The following SLC35D4 variants were observed in gnomAD, a reference collection of about 807,000 sequenced individuals.
SLC35D4 encodes the protein UDP-N-acetylglucosamine transporter SLC35D4.
the SLC35D4 span, among the ~76,000 whole-genome samples, chr18:23,286,861 G>A: frequency 2.4e-3 from 360 of 151,538 alleles, 2 homozygotes; most frequent in Admixed American, 4.1e-3. Flanking sequence ...ACTATTCCTG[G>A]ATTACAGCTG....
At chr18:23,408,413 T>C in the SLC35D4 span, among the ~76,000 whole-genome samples, 3 of 152,208 alleles carry the variant, frequency 2.0e-5, no homozygotes, top group East Asian at 3.8e-4. Flanking sequence ...TGGTATCTTA[T>C]AACATTTTTT....
the SLC35D4 span, among the ~76,000 whole-genome samples, chr18:23,251,746 C>T: frequency 6.6e-6 from 1 of 152,094 alleles, no homozygotes; most frequent in African/African-American, 2.4e-5. Flanking sequence ...GTTGTTCAAC[C>T]TTAAAGGAAA....
chr18:23,273,516 A>T, the SLC35D4 span, among the ~76,000 whole-genome samples: 147 of 152,360 alleles, frequency 9.6e-4, no homozygotes, highest in African/African-American at 3.5e-3. Context: ...AAAGTGAACC[A>T]GCATGGGAAA....
At chr18:23,393,489 T>C in the SLC35D4 span, among the ~76,000 whole-genome samples, 1 of 152,222 alleles carries the variant, frequency 6.6e-6, no homozygotes, top group Admixed American at 6.5e-5. Flanking sequence ...GTACCAGATA[T>C]AAGTGGAGTC....
chr18:23,418,058 A>T, the SLC35D4 span, among the ~76,000 whole-genome samples: 2 of 152,186 alleles, frequency 1.3e-5, no homozygotes, highest in Non-Finnish European at 2.9e-5. Flanking sequence ...ATCCACCATA[A>T]CAATGGAGTA....
chr18:23,384,077 C>T, the SLC35D4 span, among the ~76,000 whole-genome samples: 2 of 150,276 alleles, frequency 1.3e-5, no homozygotes, highest in African/African-American at 2.4e-5. Context: ...TCCTTTAAGC[C>T]TAGGAGCTCG....
the SLC35D4 span, among the ~76,000 whole-genome samples, chr18:23,411,531 A>AAGAAAGAAAGAC: frequency 3.3e-5 from 5 of 151,500 alleles, no homozygotes; most frequent in East Asian, 9.7e-4. Context: ...GAAAGAAAGA[A>AAGAAAGAAAGAC]AGAAAGAAAG....
At chr18:23,364,917 AAAAAAAAAAAAAAAAAG>A in the SLC35D4 span, among the ~76,000 whole-genome samples, 4 of 3,708 alleles carry the variant, frequency 1.1e-3, 1 homozygote, top group South Asian at 0.049. Flanking sequence ...AAAAAAAAAA[AAAAAAAAAAAAAAAAAG>A]GACTCCTTTC....
chr18:23,309,675 C>T, the SLC35D4 span: 2 of 1,613,886 alleles, frequency 1.2e-6, no homozygotes, highest in Non-Finnish European at 1.7e-6. Flanking sequence ...ATGCAAAAGA[C>T]TTACCATCCC....
chr18:23,238,978 T>C, the SLC35D4 span, among the ~76,000 whole-genome samples: 1 of 152,264 alleles, frequency 6.6e-6, no homozygotes, highest in Non-Finnish European at 1.5e-5. Context: ...TATTTCGATG[T>C]TGGCGGGAGC....
the SLC35D4 span, among the ~76,000 whole-genome samples, chr18:23,410,567 G>A: frequency 6.6e-6 from 1 of 152,052 alleles, no homozygotes; most frequent in East Asian, 1.9e-4. Context: ...CACTTTGGGA[G>A]GCTGAGACGG....
chr18:23,289,141 T>C, the SLC35D4 span, among the ~76,000 whole-genome samples: 1 of 152,204 alleles, frequency 6.6e-6, no homozygotes, highest in Admixed American at 6.5e-5. Flanking sequence ...CAACTACTCA[T>C]ACATGTCCTG....
the SLC35D4 span, among the ~76,000 whole-genome samples, chr18:23,408,151 A>T: frequency 3.6e-4 from 1 of 2,744 alleles, no homozygotes; most frequent in Non-Finnish European, 1.6e-3. Context: ...GGCCTGAGAC[A>T]CACACACACA....
At chr18:23,249,357 C>T in the SLC35D4 span, among the ~76,000 whole-genome samples, 85 of 152,226 alleles carry the variant, frequency 5.6e-4, no homozygotes, top group African/African-American at 1.9e-3. Context: ...GCCTCAGCCC[C>T]GGGGGTTTAG....
At chr18:23,274,891 A>T in the SLC35D4 span, among the ~76,000 whole-genome samples, 105 of 152,256 alleles carry the variant, frequency 6.9e-4, no homozygotes, top group African/African-American at 2.2e-3. Context: ...TCCCTGCGGC[A>T]GGCGTGTGAA....
At chr18:23,422,488 C>T in the SLC35D4 span, among the ~76,000 whole-genome samples, 1 of 152,110 alleles carries the variant, frequency 6.6e-6, no homozygotes, top group Non-Finnish European at 1.5e-5. Flanking sequence ...AATCTGAAGT[C>T]TTCCCCACCA....
the SLC35D4 span, among the ~76,000 whole-genome samples, chr18:23,394,844 G>A: frequency 6.6e-6 from 1 of 151,958 alleles, no homozygotes; most frequent in East Asian, 1.9e-4. Context: ...GTAGCCAGGC[G>A]TGGTGGTGCA....
At chr18:23,338,251 G>C in the SLC35D4 span, among the ~76,000 whole-genome samples, 24 of 152,328 alleles carry the variant, frequency 1.6e-4, no homozygotes, top group African/African-American at 5.8e-4. Flanking sequence ...TATGCAGTGA[G>C]AGACCTTGTC....
At chr18:23,308,262 T>C in the SLC35D4 span, among the ~76,000 whole-genome samples, 1 of 152,178 alleles carries the variant, frequency 6.6e-6, no homozygotes, top group Non-Finnish European at 1.5e-5. Flanking sequence ...AGGAGACACA[T>C]GTGTGCCATG....
Sources: allele counts gnomAD v4.1 joint callset (sites outside exome capture counted in the v4.1 genomes callset), GRCh38; gene constraint gnomAD v4.1.1; transcripts MANE v1.5; gene names NCBI Gene and HGNC (gene_info 2026-07-23, HGNC 2026-07-21).